Variants in CDK5RAP2 observed in about 807,000 individuals in gnomAD.
CDK5RAP2 encodes CDK5 regulatory subunit associated protein 2.
In CDK5RAP2, 147 loss-of-function variants were observed where a neutral mutation model predicts 232.9. The observed-to-expected ratio is 0.63, with a 90% CI of 0.55 to 0.72. The LOEUF (loss-of-function observed/expected upper bound fraction) is 0.72. Among genes scored for constraint, CDK5RAP2 ranks in the 30% least tolerant of loss-of-function variants. CDK5RAP2 has a pLI of 0.00. For synonymous variants in CDK5RAP2, 833 were observed against 833.7 expected, an observed-to-expected ratio of 1.00 and a Z score of 0.01; for missense variants, 2,195 against 2,231.5, an observed-to-expected ratio of 0.98 and a Z score of 0.33.
chr9:120,486,076 C>T (rs1327993927), intron 14 of CDK5RAP2, among the ~76,000 whole-genome samples: 1 of 152,198 alleles, frequency 6.6e-6, no homozygotes, highest in Non-Finnish European at 1.5e-5. Context: ...AATACTTCCA[C>T]ACCAGTTGGA....
Position 120,409,190 on chromosome 9 carries a change from T to G in CDK5RAP2, c.4541A>C (p.Glu1514Ala), listed in dbSNP as rs1317935449. ...CAGCTGCTGGTTGTGTCTCTCCTTCTCGCTGCCTTCTTTCTGCAGCCTTTC... is the reference window on the plus strand; with the variant it reads ...CAGCTGCTGGTTGTGTCTCTCCTTCGCGCTGCCTTCTTTCTGCAGCCTTTC... Reference protein sequence around the residue: ...ENERLQKEGSEKERHNQQLIQ... With the variant: ...ENERLQKEGSAKERHNQQLIQ... Residue 1514 changes from glutamate to alanine, a missense_variant, in exon 30 of 38, where the codon GAG becomes GCG. Glu to Ala is a moderately radical substitution (Grantham distance 107). Transcript: ENST00000349780. 2 of 1,613,890 alleles carry G rather than the reference T, an allele frequency of 1.2e-6. No homozygotes were observed. The highest frequency in any genetic ancestry group is 1.7e-6 in the Non-Finnish European group (2 of 1,180,040).
rs531213983 is a variant in CDK5RAP2, at chr9:120,458,361, C to T, written c.2375+89G>A. The T allele has an allele frequency of 4.5e-5, 57 of 1,277,176 alleles. No individual in the cohort carries two copies. In the African/African-American group the frequency reaches 8.1e-4, roughly 18 times the overall value. 79.1% of individuals were successfully genotyped at this position (1,277,176 alleles called of 1,614,324 possible). On this transcript the variant is annotated intron_variant, in intron 20 of 37. Coordinates refer to ENST00000349780, the MANE Select transcript of CDK5RAP2 (RefSeq NM_018249.6). ...CAGGAGCTCTCTCAGGTAAATTACA[C>T]AGCACGATCATCTAAACCCATTTAG...
chr9:120,511,582 A>G (rs1588524201), intron 12 of CDK5RAP2, among the ~76,000 whole-genome samples: 1 of 152,186 alleles, frequency 6.6e-6, no homozygotes, highest in African/African-American at 2.4e-5. Context: ...CTTGGGCCTC[A>G]GTGCCAGCAA....
At chr9:120,416,973 A>C (rs2034257715) in intron 27 of CDK5RAP2, among the ~76,000 whole-genome samples, 1 of 152,254 alleles carries the variant, frequency 6.6e-6, no homozygotes, top group African/African-American at 2.4e-5. Context: ...TCTCCTGCTA[A>C]TGCCAGAAAT....
intron 3 of CDK5RAP2, among the ~76,000 whole-genome samples, chr9:120,559,357 G>C (rs1385235376): frequency 6.6e-6 from 1 of 151,480 alleles, no homozygotes; most frequent in Non-Finnish European, 1.5e-5. Flanking sequence ...CATGGTGGCG[G>C]GTGCCTGTAG....
Position 120,394,567 on chromosome 9 carries a change from G to A in CDK5RAP2, c.5523C>T (p.Asn1841=), listed in dbSNP as rs772613222. 1 of 1,613,980 alleles carries A rather than the reference G, an allele frequency of 6.2e-7. No homozygotes were observed. Among genetic ancestry groups the A allele is most frequent in the African/African-American group, 1.3e-5 (1 of 74,900 alleles). ...TGCTCAGCTGCAAAAGCTTCATGGT[G>A]TTTTGCAACTTCTTTTCTTGTTCAA... The part of the protein sequence containing the change: ...KLFEQEKKLQ[N]TMKLLQLSKR... Residue 1841 remains asparagine, a synonymous_variant, in exon 36 of 38, where the codon AAC becomes AAT. Coordinates refer to ENST00000349780, the MANE Select transcript of CDK5RAP2 (RefSeq NM_018249.6).
chr9:120,472,003 C>T, intron 15 of CDK5RAP2, 125 bp from the exon 16 acceptor site: 1 of 1,250,448 alleles, frequency 8.0e-7, no homozygotes. Flanking sequence ...AAAGTATATA[C>T]AGGTTTACTA....
intron 10 of CDK5RAP2, among the ~76,000 whole-genome samples, 197 bp downstream of exon 10, chr9:120,527,609 A>C (rs1020059037): frequency 1.3e-5 from 2 of 152,180 alleles, no homozygotes. Context: ...TAGGTAACCC[A>C]TATGATATTT....
Position 120,470,181 on chromosome 9 carries a change from A to T in CDK5RAP2, c.1898T>A (p.Leu633Gln), listed in dbSNP as rs1304183330. ...ATTGTTTTCTTCAAGGCAAATACTT[A>T]GATAAGATGTTTGATCACTATAAAG... ...FSLYSDQTSY[L>Q]SICLEENNRF... Residue 633 changes from leucine (L) to glutamine (Q), a missense_variant, in exon 17 of 38, where the codon CTA becomes CAA. By Grantham distance (113) the Leu-to-Gln change is moderately radical. Transcript: ENST00000349780. The T allele has an allele frequency of 6.3e-6, 10 of 1,595,540 alleles. 1 individual carries two copies. In the South Asian group the frequency reaches 7.8e-5, roughly 12 times the overall value.
In CDK5RAP2 at chr9:120,439,317, C is replaced by T. The variant is rs1464079030; in HGVS notation, c.3722+82G>A. 7 of 1,199,296 alleles carry T rather than the reference C, an allele frequency of 5.8e-6. No individual in the cohort carries two copies. In the African/African-American group the frequency reaches 9.0e-5, roughly 15 times the overall value. The allele number at this position is 1,199,296 out of a possible 1,614,324, so 74.3% of individuals were successfully genotyped here. A position where few individuals can be genotyped will look rare whatever the true frequency, so the allele number is the denominator to read the frequency against. The stretch of plus-strand genomic sequence containing the variant: ...TCTACCCATCACAGAGTAGTGTTCT[C>T]TTTTAGCTCATGGGCTCCCACCTAG... On this transcript the variant is annotated intron_variant, in intron 24 of 37. Coordinates refer to ENST00000349780, the MANE Select transcript of CDK5RAP2 (RefSeq NM_018249.6).
chr9:120,479,202 A>G (rs1018043457), intron 14 of CDK5RAP2, among the ~76,000 whole-genome samples: 1 of 152,216 alleles, frequency 6.6e-6, no homozygotes, highest in African/African-American at 2.4e-5. Context: ...ATAAATCCAT[A>G]TTGATATGAA....
At chr9:120,452,832 C>A (rs1414470651) in intron 21 of CDK5RAP2, among the ~76,000 whole-genome samples, 2 of 152,004 alleles carry the variant, frequency 1.3e-5, no homozygotes, top group Non-Finnish European at 2.9e-5. Flanking sequence ...AGCTCAGCCC[C>A]TTAACCACCG....
rs1290647243 is a variant in CDK5RAP2 at position 120,568,339 on chromosome 9, G to A, written c.177C>T (p.Asn59=). Residue 59 remains asparagine, a synonymous_variant, in exon 3 of 38, where the codon AAC becomes AAT. Coordinates refer to ENST00000349780, the MANE Select transcript of CDK5RAP2 (RefSeq NM_018249.6). Reference sequence around the variant, plus strand: ...CACTTACATTTTCAAAGTCCTTCATGTTCCGTGCTCTGGTGGGAGACACTG... The same window carrying A: ...CACTTACATTTTCAAAGTCCTTCATATTCCGTGCTCTGGTGGGAGACACTG... ...EETVSPTRAR[N]MKDFENQITE... The A allele has an allele frequency of 6.2e-7, 1 of 1,613,490 alleles. No homozygotes were observed. Among genetic ancestry groups the A allele is most frequent in the Non-Finnish European group, 8.5e-7 (1 of 1,179,360 alleles).
At chr9:120,486,933 G>C (rs940444556) in intron 14 of CDK5RAP2, among the ~76,000 whole-genome samples, 1 of 152,180 alleles carries the variant, frequency 6.6e-6, no homozygotes, top group African/African-American at 2.4e-5. Flanking sequence ...TTGGAAACTT[G>C]ATTTGGGGCC....
chr9:120,454,244 C>A (rs545227107), intron 20 of CDK5RAP2, among the ~76,000 whole-genome samples: 2 of 152,364 alleles, frequency 1.3e-5, no homozygotes, highest in South Asian at 4.1e-4. Context: ...CCCCGCCAGC[C>A]AACCTCCTGG....
intron 18 of CDK5RAP2, 74 bp from the exon 19 acceptor site, chr9:120,460,741 G>T: frequency 6.3e-7 from 1 of 1,587,264 alleles, no homozygotes; most frequent in East Asian, 2.3e-5. Context: ...GAATAAGTCA[G>T]TGATGTCTTT....
intron 25 of CDK5RAP2, among the ~76,000 whole-genome samples, chr9:120,435,608 C>G (rs940429632): frequency 6.6e-6 from 1 of 152,046 alleles, no homozygotes; most frequent in Non-Finnish European, 1.5e-5. Context: ...AATCAAGGCT[C>G]TTGGAGAAAT....
Position 120,527,892 on chromosome 9 carries a change from C to A in CDK5RAP2, c.913G>T (p.Glu305Ter). The change falls in exon 10 of 38, where the codon GAA (glutamate) becomes TAA (stop). Residue 305 changes from glutamate (E) to a stop codon, truncating the protein, a stop_gained. Coordinates refer to ENST00000349780, the MANE Select transcript of CDK5RAP2 (RefSeq NM_018249.6). LOFTEE classifies it high-confidence loss of function. ...CTATTTTTCTTCTCTGTAGCAATTTCTCTTTCCTTCTCTCTCAGGTCCTCT... is the reference window on the plus strand; with the variant it reads ...CTATTTTTCTTCTCTGTAGCAATTTATCTTTCCTTCTCTCTCAGGTCCTCT... ...LEEDLREKER[E>*]IATEKKNSLK... 2 of 1,613,884 alleles carry A rather than the reference C, an allele frequency of 1.2e-6. No homozygotes were observed. Among genetic ancestry groups the A allele is most frequent in the Non-Finnish European group, 1.7e-6 (2 of 1,179,966 alleles).
At chr9:120,462,711 T>A (rs1318686893) in intron 18 of CDK5RAP2, among the ~76,000 whole-genome samples, 1 of 152,188 alleles carries the variant, frequency 6.6e-6, no homozygotes, top group Non-Finnish European at 1.5e-5. Flanking sequence ...TAACCCATAG[T>A]GGGACAAAAT....
Sources: gnomAD v4.1 joint callset for allele counts (sites outside exome capture counted in the v4.1 genomes callset) on GRCh38, gnomAD v4.1.1 for gene constraint, MANE v1.5 for transcripts, NCBI Gene and HGNC (gene_info 2026-07-23, HGNC 2026-07-21) for gene names.